Variants in ZNF710 observed in about 807,000 individuals in gnomAD.
ZNF710 encodes the protein zinc finger protein 710.
ZNF710 carries 13 observed loss-of-function variants against 50.6 expected under a neutral mutation model. The observed-to-expected ratio is 0.26, with a 90% CI of 0.17 to 0.41. The LOEUF (loss-of-function observed/expected upper bound fraction) is 0.41. ZNF710 is among the 10% of genes least tolerant of loss of function. ZNF710 has a pLI of 1.00. For synonymous variants in ZNF710, 383 were observed against 397.0 expected (o/e 0.96, Z 0.42); for missense variants, 721 against 936.6 (o/e 0.77, Z 3.01).
At chr15:90,046,327 A>C (rs1198360762) in intron 1 of ZNF710, among the ~76,000 whole-genome samples, 2 of 152,174 alleles carry the variant, frequency 1.3e-5, no homozygotes. Context: ...TGTGAATTGC[A>C]TGTTGTTAGC....
intron 1 of ZNF710, among the ~76,000 whole-genome samples, chr15:90,042,698 C>T (rs1052749683): frequency 2.0e-5 from 3 of 152,200 alleles, no homozygotes; most frequent in Admixed American, 2.0e-4. Flanking sequence ...AGGGAACACT[C>T]ACCTGTGATC....
rs775296142 is a variant in ZNF710, at chr15:90,067,298, C to A, written c.161C>A (p.Ala54Glu). ...GACCTGGGGCCCGAGCTTTCAGGGG[C>A]AGCCATGGGAGAGCCCGAGCCACCA... ...YPDLGPELSG[A>E]AMGEPEPPGP... The change falls in exon 2 of 5, where the codon GCA becomes GAA. Residue 54 changes from alanine to glutamate, a missense_variant. Transcript: ENST00000268154. The surrounding 1 kb of genome is among the most constrained non-coding windows in gnomAD (Gnocchi z 8.1). 6 of 1,611,120 alleles carry A rather than the reference C, an allele frequency of 3.7e-6. No homozygotes were observed. Among genetic ancestry groups the A allele is most frequent in the Non-Finnish European group, 5.1e-6 (6 of 1,178,928 alleles).
chr15:90,052,863 G>A (rs1296872235), intron 1 of ZNF710, among the ~76,000 whole-genome samples: 4 of 152,224 alleles, frequency 2.6e-5, no homozygotes, highest in Admixed American at 2.0e-4. Flanking sequence ...AACCGGGGAG[G>A]CGGAGGTTGC....
rs779662594 is a variant in ZNF710 at position 90,068,435 on chromosome 15, C to A, written c.1298C>A (p.Thr433Asn). 1 of 1,614,114 alleles carries A rather than the reference C, an allele frequency of 6.2e-7. No homozygotes were observed. The highest frequency in any genetic ancestry group is 8.5e-7 in the Non-Finnish European group (1 of 1,180,054). ...KRHLASHQGP[T>N]LYQCLECDKS... ...CACCTGGCCTCCCACCAGGGCCCCA[C>A]CCTCTACCAGTGCCTCGAGTGTGAC... The change falls in exon 2 of 5, where the codon ACC becomes AAC. Residue 433 changes from threonine to asparagine, a missense_variant. By Grantham distance (65) the Thr-to-Asn change is moderately conservative. This residue lies in a region of ZNF710 where 326 missense variants were observed against 522.0 expected (regional missense o/e 0.62). Transcript: ENST00000268154. The surrounding 1 kb of genome is among the most constrained non-coding windows in gnomAD (Gnocchi z 5.0).
chr15:90,019,187 C>CTTTTTTTTTTTTTTTT (rs11285838), intron 1 of ZNF710, among the ~76,000 whole-genome samples: 143 of 89,396 alleles, frequency 1.6e-3, no homozygotes, highest in Non-Finnish European at 1.9e-3. Flanking sequence ...CTTTTTCTTT[C>CTTTTTTTTTTTTTTTT]TTTTTTTTTT....
chr15:90,066,170 G>A (rs117565273), intron 1 of ZNF710, among the ~76,000 whole-genome samples: 3,795 of 152,232 alleles, frequency 0.025, 69 homozygotes, highest in Non-Finnish European at 0.04. Context: ...GTTTATCGTC[G>A]GGGCTGACAA....
chr15:90,054,578 C>T (rs1899751634), intron 1 of ZNF710, among the ~76,000 whole-genome samples: 1 of 152,208 alleles, frequency 6.6e-6, no homozygotes, highest in Non-Finnish European at 1.5e-5. Context: ...ATGGTACCCC[C>T]CATCCCAGAG....
rs1257858020 is a variant in ZNF710, at chr15:90,034,374, G to C, written c.-28-32736G>C. On this transcript the variant is annotated intron_variant, in intron 1 of 4. Coordinates refer to ENST00000268154, the MANE Select transcript of ZNF710 (RefSeq NM_198526.4). The surrounding 1 kb of genome is among the most constrained non-coding windows in gnomAD (Gnocchi z 4.0). Reference sequence around the variant, plus strand: ...TTTGTCTATGTTATTTGAAAAAGTGGATTGCATTGTGGGTCCCCAGAAGTT... The same window carrying C: ...TTTGTCTATGTTATTTGAAAAAGTGCATTGCATTGTGGGTCCCCAGAAGTT... Among the ~76,000 whole-genome samples, 1 of 151,424 alleles carries C rather than the reference G, an allele frequency of 6.6e-6. No homozygotes were observed. Among genetic ancestry groups the C allele is most frequent in the African/African-American group, 2.4e-5 (1 of 41,156 alleles).
intron 1 of ZNF710, among the ~76,000 whole-genome samples, chr15:90,047,728 C>G (rs922649643): frequency 6.6e-6 from 1 of 151,940 alleles, no homozygotes; most frequent in African/African-American, 2.4e-5. Flanking sequence ...GGACTACAGG[C>G]ATGCACCACC....
chr15:90,008,425 T>TATATATATATACATATATATATATATAC (rs1163160856), intron 1 of ZNF710, among the ~76,000 whole-genome samples: 1 of 133,464 alleles, frequency 7.5e-6, no homozygotes, highest in African/African-American at 3.1e-5. Flanking sequence ...TGTGTGTGTG[T>TATATATATATACATATATATATATATAC]GTATATATAT....
rs1243374615 is a variant in ZNF710 at position 90,040,175 on chromosome 15, C to A, written c.-28-26935C>A. Among the ~76,000 whole-genome samples, 1 of 152,208 alleles carries A rather than the reference C, an allele frequency of 6.6e-6. No individual in the cohort carries two copies. Among genetic ancestry groups the A allele is most frequent in the Non-Finnish European group, 1.5e-5 (1 of 68,036 alleles). On this transcript the variant is annotated intron_variant, in intron 1 of 4. Transcript: ENST00000268154. This position sits in a 1 kb window ranked among gnomAD's most constrained non-coding sequence, Gnocchi z 4.6. ...AGCTTGGGCTGTGGCTGGGTGAGGT[C>A]ACCCAGGCCTCAGGCCTGTGCACTG...
At chr15:90,008,747 C>G (rs1474229253) in intron 1 of ZNF710, among the ~76,000 whole-genome samples, 1 of 150,898 alleles carries the variant, frequency 6.6e-6, no homozygotes, top group East Asian at 2.0e-4. Flanking sequence ...CCTCAGTGTA[C>G]TCCAGCCTGA....
intron 4 of ZNF710, among the ~76,000 whole-genome samples, 178 bp from the exon 5 acceptor site, chr15:90,079,482 G>C (rs1371180563): frequency 1.3e-5 from 2 of 152,220 alleles, no homozygotes; most frequent in Non-Finnish European, 2.9e-5. Context: ...TGGTCACCCA[G>C]CTAGAAGCCA....
intron 1 of ZNF710, among the ~76,000 whole-genome samples, chr15:90,005,289 G>C (rs564972836): frequency 6.6e-6 from 1 of 152,290 alleles, no homozygotes; most frequent in East Asian, 1.9e-4. Context: ...GACACAGGCA[G>C]GGACAGGGAG....
chr15:90,065,372 G>A (rs1406796637), intron 1 of ZNF710, among the ~76,000 whole-genome samples: 2 of 152,206 alleles, frequency 1.3e-5, no homozygotes, highest in African/African-American at 4.8e-5. Context: ...CCCCAGTAAT[G>A]CCATCCCCTC....
intron 1 of ZNF710, among the ~76,000 whole-genome samples, chr15:90,038,406 ACT>A: frequency 6.6e-6 from 1 of 151,578 alleles, no homozygotes; most frequent in Non-Finnish European, 1.5e-5. Context: ...TCTTTATCTC[ACT>A]CTCTTTCACG....
chr15:90,017,482 T>C (rs556269930), intron 1 of ZNF710, among the ~76,000 whole-genome samples: 55 of 152,230 alleles, frequency 3.6e-4, no homozygotes, highest in Middle Eastern at 6.8e-3. Context: ...CCATATTTAT[T>C]TTCTAACTTG....
At chr15:90,057,888 A>G (rs1899874252) in intron 1 of ZNF710, among the ~76,000 whole-genome samples, 1 of 152,084 alleles carries the variant, frequency 6.6e-6, no homozygotes, top group South Asian at 2.1e-4. Flanking sequence ...CTCTGTCTTC[A>G]CAAGAGTTTG....
At chr15:90,024,833 C>T (rs893742255) in intron 1 of ZNF710, 1 of 152,222 alleles carries the variant, frequency 6.6e-6, no homozygotes, top group Admixed American at 6.6e-5. Flanking sequence ...TGGCAGGAAC[C>T]GATAGAACAT....
Sources: gnomAD v4.1 joint callset for allele counts (sites outside exome capture counted in the v4.1 genomes callset) on GRCh38, gnomAD v4.1.1 for gene constraint, gnomAD v4.1.1 regional missense constraint, Gnocchi (gnomAD v3.1) non-coding constraint, MANE v1.5 for transcripts, NCBI Gene and HGNC (gene_info 2026-07-23, HGNC 2026-07-21) for gene names.